Variants in TOGARAM2 observed in about 807,000 individuals in gnomAD.
TOGARAM2 encodes TOG array regulator of axonemal microtubules 2.
In TOGARAM2, 85 loss-of-function variants were observed where a neutral mutation model predicts 93.3. The observed-to-expected ratio is 0.91, with a 90% confidence interval of 0.76 to 1.09. The LOEUF (loss-of-function observed/expected upper bound fraction) is 1.09, where lower values mean the gene tolerates loss of function less well. Ranked by LOEUF, TOGARAM2 falls within the 50% of genes least tolerant of loss-of-function variation. The pLI, the probability that TOGARAM2 is intolerant of heterozygous loss-of-function variation, is 0.00. For missense variants in TOGARAM2, 1,277 were observed against 1,334.5 expected (o/e 0.96, Z 0.67); for synonymous variants, 593 against 552.8 (o/e 1.07, Z -1.02).
Position 29,032,932 on chromosome 2 carries a change from A to G in TOGARAM2, c.2013-2A>G. On this transcript the variant is annotated splice_acceptor_variant, in intron 14 of 19. Transcript: ENST00000379558. LOFTEE classifies it high-confidence loss of function. ...TTTATCTTGCTCTCTCTCCTGTGGC[A>G]GATTTTATGGCCGGAAGATGGTGAA... 3 of 1,612,846 alleles carry G rather than the reference A, an allele frequency of 1.9e-6. No individual in the cohort carries two copies. Among genetic ancestry groups the G allele is most frequent in the South Asian group, 1.1e-5 (1 of 90,746 alleles).
chr2:29,011,710 G>GACATC (rs1370227584), intron 7 of TOGARAM2, among the ~76,000 whole-genome samples: 10 of 152,194 alleles, frequency 6.6e-5, no homozygotes, highest in East Asian at 1.9e-4. Flanking sequence ...GACATTTATT[G>GACATC]ACACCTGCTC....
chr2:28,975,509 T>C (rs1381352900), intron 1 of TOGARAM2, among the ~76,000 whole-genome samples: 1 of 152,188 alleles, frequency 6.6e-6, no homozygotes, highest in African/African-American at 2.4e-5. Flanking sequence ...CGAGACATTT[T>C]ATTTTTTAAT....
intron 6 of TOGARAM2, among the ~76,000 whole-genome samples, chr2:29,007,995 G>A (rs565981264): frequency 1.2e-4 from 19 of 152,130 alleles, no homozygotes; most frequent in South Asian, 4.1e-4. Flanking sequence ...TTTAAAGGGC[G>A]GCAAGGAGGG....
chr2:29,007,398 AG>A (rs1443379219), intron 6 of TOGARAM2, among the ~76,000 whole-genome samples: 2 of 152,076 alleles, frequency 1.3e-5, no homozygotes, highest in African/African-American at 4.8e-5. Context: ...TTGGCCTTCA[AG>A]TCTCAGTGTC....
intron 1 of TOGARAM2, among the ~76,000 whole-genome samples, chr2:28,972,032 TA>T (rs1391055029): frequency 6.6e-6 from 1 of 152,206 alleles, no homozygotes; most frequent in Non-Finnish European, 1.5e-5. Flanking sequence ...CAGTGTATAT[TA>T]AAGGCCCTGA....
intron 1 of TOGARAM2, among the ~76,000 whole-genome samples, chr2:28,962,177 AG>A (rs1239827589): frequency 4.6e-5 from 7 of 150,986 alleles, no homozygotes; most frequent in African/African-American, 1.7e-4. Flanking sequence ...ATACATACAT[AG>A]TTTTTTTTTT....
chr2:29,019,176 TC>T (rs1176107026), intron 10 of TOGARAM2, among the ~76,000 whole-genome samples: 7 of 128,204 alleles, frequency 5.5e-5, no homozygotes, highest in Admixed American at 3.9e-4. Flanking sequence ...CCCAACTGAC[TC>T]TTTTTTTTTT....
At chr2:29,030,133 G>A (rs139374582) in intron 14 of TOGARAM2, among the ~76,000 whole-genome samples, 4 of 152,078 alleles carry the variant, frequency 2.6e-5, no homozygotes, top group African/African-American at 9.6e-5. Context: ...AATATTAGCC[G>A]GGCATGGTAG....
chr2:29,024,715 C>G (rs998472680), intron 13 of TOGARAM2, among the ~76,000 whole-genome samples: 7 of 152,172 alleles, frequency 4.6e-5, no homozygotes, highest in African/African-American at 1.7e-4. Context: ...GAGGAGGGGG[C>G]CGTTGCACTC....
upstream of TOGARAM2, among the ~76,000 whole-genome samples, chr2:28,981,108 A>T: frequency 6.6e-6 from 1 of 152,218 alleles, no homozygotes; most frequent in Non-Finnish European, 1.5e-5. Flanking sequence ...TGCAGTCACC[A>T]GGCAGGGGGG....
chr2:29,021,858 G>GT (rs1664968108), intron 10 of TOGARAM2, among the ~76,000 whole-genome samples: 1 of 152,208 alleles, frequency 6.6e-6, no homozygotes. Context: ...TGACTGGGGG[G>GT]TTTAGTCCCA....
At chr2:29,011,002 A>G (rs1010138632) in intron 6 of TOGARAM2, among the ~76,000 whole-genome samples, 4 of 152,032 alleles carry the variant, frequency 2.6e-5, no homozygotes, top group African/African-American at 9.7e-5. Context: ...TACAATCACG[A>G]GTGGGACTAT....
At chr2:28,992,058 C>A (rs146214216) in intron 1 of TOGARAM2, among the ~76,000 whole-genome samples, 1 of 152,126 alleles carries the variant, frequency 6.6e-6, no homozygotes, top group Non-Finnish European at 1.5e-5. Flanking sequence ...GGGAGAGTAG[C>A]GCCTTAGTGT....
intron 18 of TOGARAM2, among the ~76,000 whole-genome samples, chr2:29,042,111 T>G (rs1199930366): frequency 6.6e-6 from 1 of 152,254 alleles, no homozygotes; most frequent in Non-Finnish European, 1.5e-5. Context: ...GCAATCTGTA[T>G]TCAGAGCTCT....
intron 16 of TOGARAM2, among the ~76,000 whole-genome samples, chr2:29,034,414 A>T (rs1558459435): frequency 1.3e-5 from 2 of 152,214 alleles, no homozygotes; most frequent in African/African-American, 2.4e-5. Context: ...TACCTCTGTC[A>T]GCCCCGTTGA....
intron 14 of TOGARAM2, among the ~76,000 whole-genome samples, chr2:29,031,055 T>C (rs760195051): frequency 3.3e-5 from 5 of 152,246 alleles, no homozygotes; most frequent in African/African-American, 4.8e-5. Flanking sequence ...ACACACATCC[T>C]TCCCTGGTTT....
At position 29,051,838 on chromosome 2, in the gene TOGARAM2, C is replaced by G. The variant is rs61749512; in HGVS notation, c.2805C>G (p.Thr935=). ...VLPILWHFLN[T]ATRNGTLPGP... is the part of the protein sequence containing the mutation. ...CCATCCTCTGGCACTTCCTGAACAC[C>G]GCCACCAGGAATGGCACCCTGCCTG... The change falls in exon 20 of 20, where the codon ACC becomes ACG. Residue 935 remains threonine (T), a synonymous_variant. Coordinates refer to ENST00000379558, the MANE Select transcript of TOGARAM2 (RefSeq NM_199280.4). 2 of 1,565,912 alleles carry G rather than the reference C, an allele frequency of 1.3e-6. No individual in the cohort carries two copies. Among genetic ancestry groups the G allele is most frequent in the East Asian group, 4.8e-5 (2 of 41,670 alleles).
intron 19 of TOGARAM2, chr2:29,045,844 C>T: frequency 3.8e-6 from 1 of 261,346 alleles, no homozygotes; most frequent in South Asian, 4.0e-5. Flanking sequence ...TGGTACCAAA[C>T]ATTTTAGATA....
chr2:29,039,652 G>A (rs1666318023), intron 18 of TOGARAM2, among the ~76,000 whole-genome samples: 3 of 152,212 alleles, frequency 2.0e-5, no homozygotes, highest in Non-Finnish European at 4.4e-5. Flanking sequence ...AGTAAGGAAT[G>A]AGACATGTTT....
Sources: allele counts gnomAD v4.1 joint callset (sites outside exome capture counted in the v4.1 genomes callset), GRCh38; gene constraint gnomAD v4.1.1; transcripts MANE v1.5; gene names NCBI Gene and HGNC (gene_info 2026-07-23, HGNC 2026-07-21).